The following KCND3 variants were observed in gnomAD, a reference collection of about 807,000 sequenced individuals.
KCND3 encodes the protein A-type voltage-gated potassium channel KCND3.
A neutral mutation model predicts 51.1 loss-of-function variants in KCND3; 9 were observed. The observed-to-expected ratio is 0.18, with a 90% CI of 0.11 to 0.31. The LOEUF (loss-of-function observed/expected upper bound fraction) is 0.31. Among genes scored for constraint, KCND3 ranks in the 10% least tolerant of loss-of-function variants. The pLI is 1.00. For synonymous variants in KCND3, 349 were observed against 368.0 expected (o/e 0.95, Z 0.59); for missense variants, 526 against 903.8 (o/e 0.58, Z 5.36).
rs1339432798 is a variant in KCND3 at position 111,780,290 on chromosome 1, C to T, written c.1396G>A (p.Gly466Ser). 2.5e-6 allele frequency: 4 copies of T among 1,578,922 alleles called. No homozygotes were observed. Among genetic ancestry groups the T allele is most frequent in the South Asian group, 1.2e-5 (1 of 85,978 alleles). ...LTGTPEEEHMGKTTSLIESQH... is the reference protein window; with the variant it reads ...LTGTPEEEHMSKTTSLIESQH... ...CTCTCGATGAGTGAGGTGGTCTTGC[C>T]CATGTGCTCCTCTTCTGGGGTGCCC... The change falls in exon 5 of 8, where the codon GGC becomes AGC. Residue 466 changes from glycine to serine, a missense_variant. This residue lies in a region of KCND3 where 266 missense variants were observed against 305.5 expected (regional missense o/e 0.87). Coordinates refer to ENST00000302127, the MANE Select transcript of KCND3 (RefSeq NM_001378969.1). The surrounding 1 kb of genome is among the most constrained non-coding windows in gnomAD (Gnocchi z 4.2).
At chr1:111,810,877 G>A in intron 2 of KCND3, among the ~76,000 whole-genome samples, 1 of 152,106 alleles carries the variant, frequency 6.6e-6, no homozygotes, top group East Asian at 1.9e-4. Context: ...CAACAAATTG[G>A]GTCTTTGCTG....
At chr1:111,914,430 A>G (rs1671102275) in intron 2 of KCND3, among the ~76,000 whole-genome samples, 1 of 152,200 alleles carries the variant, frequency 6.6e-6, no homozygotes, top group South Asian at 2.1e-4. Context: ...CTATAAACTC[A>G]CTGATCCAAG....
intron 2 of KCND3, among the ~76,000 whole-genome samples, chr1:111,829,014 C>T (rs150683878): frequency 1.3e-4 from 20 of 152,292 alleles, no homozygotes; most frequent in African/African-American, 4.8e-4. Flanking sequence ...TCAGGAGCCA[C>T]CCGCGAAACA....
intron 2 of KCND3, among the ~76,000 whole-genome samples, chr1:111,940,548 A>T (rs1277937631): frequency 6.6e-6 from 1 of 152,098 alleles, no homozygotes; most frequent in Non-Finnish European, 1.5e-5. Flanking sequence ...GATGTGTGGC[A>T]TTCTCTCTGA....
At chr1:111,791,642 G>A (rs1349510786) in intron 2 of KCND3, among the ~76,000 whole-genome samples, 2 of 152,190 alleles carry the variant, frequency 1.3e-5, no homozygotes, top group East Asian at 3.8e-4. Flanking sequence ...CGATGGTGAT[G>A]AGGCTGCTAC....
At chr1:111,832,341 C>T (rs1271629432) in intron 2 of KCND3, among the ~76,000 whole-genome samples, 1 of 152,164 alleles carries the variant, frequency 6.6e-6, no homozygotes, top group Admixed American at 6.5e-5. Context: ...CAATGTGGAC[C>T]AGATCTGGCA....
intron 2 of KCND3, among the ~76,000 whole-genome samples, chr1:111,855,268 C>CCCAT (rs1490489661): frequency 6.6e-6 from 1 of 152,196 alleles, no homozygotes; most frequent in African/African-American, 2.4e-5. Flanking sequence ...AGCCTCCAGT[C>CCCAT]CCATATATTC....
chr1:111,919,619 T>C (rs1336188239), intron 2 of KCND3, among the ~76,000 whole-genome samples: 1 of 152,168 alleles, frequency 6.6e-6, no homozygotes, highest in African/African-American at 2.4e-5. Flanking sequence ...AGTACCTCAA[T>C]TTGTCCCTTA....
rs566316123 is a variant in KCND3, at chr1:111,797,643, AAATC to A, written c.1107-10541_1107-10538del. The stretch of plus-strand genomic sequence containing the variant: ...GTGTGAGCACAAAGGAGGGGCCTCT[AAATC>A]AAACTGGAGGGTGGTCAGAGGATCT... On this transcript the variant is annotated intron_variant, in intron 2 of 7. Coordinates refer to ENST00000302127, the MANE Select transcript of KCND3 (RefSeq NM_001378969.1). Among the ~76,000 whole-genome samples the A allele has an allele frequency of 3.2e-3, 485 of 152,296 alleles. 4 individuals carry two copies. The highest frequency in any genetic ancestry group is 5.6e-3 in the Admixed American group (85 of 15,296).
chr1:111,958,461 A>G (rs941359897), intron 2 of KCND3, among the ~76,000 whole-genome samples: 2 of 152,210 alleles, frequency 1.3e-5, no homozygotes, highest in African/African-American at 2.4e-5. Context: ...TGTGAGCTTC[A>G]CTTAGTTCTC....
At chr1:111,923,710 A>G in intron 2 of KCND3, among the ~76,000 whole-genome samples, 1 of 152,128 alleles carries the variant, frequency 6.6e-6, no homozygotes, top group East Asian at 1.9e-4. Context: ...CAATGAAAAA[A>G]CCAACAGGGC....
At chr1:111,938,007 C>T (rs530517289) in intron 2 of KCND3, among the ~76,000 whole-genome samples, 1 of 152,344 alleles carries the variant, frequency 6.6e-6, no homozygotes, top group East Asian at 1.9e-4. Context: ...CCTTCAAAGC[C>T]ACCTCTAGTT....
chr1:111,805,653 CT>C lies in KCND3; in HGVS notation c.1107-18548del, dbSNP rs372168259. On this transcript the variant is annotated intron_variant, in intron 2 of 7. Transcript: ENST00000302127. ...CCTTAAACTTTAGGGAAAAACCAAA[CT>C]CCTTGAGAACAAGAGTCAAGCGAGG... Among the ~76,000 whole-genome samples the C allele has an allele frequency of 3.2e-3, 484 of 152,202 alleles. 5 individuals are homozygous for C. The highest frequency in any genetic ancestry group is 0.011 in the African/African-American group (473 of 41,428).
intron 2 of KCND3, among the ~76,000 whole-genome samples, chr1:111,938,471 G>A (rs1672324987): frequency 6.6e-6 from 1 of 152,168 alleles, no homozygotes; most frequent in African/African-American, 2.4e-5. Flanking sequence ...TGGAGAGCTG[G>A]GGAGCTAGAT....
intron 2 of KCND3, among the ~76,000 whole-genome samples, chr1:111,877,670 A>G (rs1190463815): frequency 1.3e-5 from 2 of 152,200 alleles, no homozygotes; most frequent in African/African-American, 4.8e-5. Context: ...AGGATCTCAT[A>G]TATTATTCCC....
At chr1:111,919,926 A>C (rs1389030396) in intron 2 of KCND3, among the ~76,000 whole-genome samples, 1 of 152,190 alleles carries the variant, frequency 6.6e-6, no homozygotes, top group Non-Finnish European at 1.5e-5. Context: ...GCCAGCCTGG[A>C]TGGAGGGAGA....
At chr1:111,852,334 C>T (rs1275438414) in intron 2 of KCND3, among the ~76,000 whole-genome samples, 1 of 152,200 alleles carries the variant, frequency 6.6e-6, no homozygotes, top group Non-Finnish European at 1.5e-5. Context: ...CAGCCCTCAG[C>T]CCTCTGTGGG....
chr1:111,925,289 A>G (rs1201518750), intron 2 of KCND3, among the ~76,000 whole-genome samples: 13 of 152,222 alleles, frequency 8.5e-5, no homozygotes, highest in East Asian at 1.9e-4. Context: ...CATTTTCACA[A>G]GACTGTTTCT....
At chr1:111,842,188 C>A (rs955539668) in intron 2 of KCND3, among the ~76,000 whole-genome samples, 1 of 152,140 alleles carries the variant, frequency 6.6e-6, no homozygotes, top group African/African-American at 2.4e-5. Context: ...TCGCAGGGGA[C>A]AGGGACTCAC....
Sources: allele counts gnomAD v4.1 joint callset (sites outside exome capture counted in the v4.1 genomes callset), GRCh38; gene constraint gnomAD v4.1.1; regional missense constraint gnomAD v4.1.1; non-coding constraint Gnocchi (gnomAD v3.1); transcripts MANE v1.5; gene names NCBI Gene and HGNC (gene_info 2026-07-23, HGNC 2026-07-21).